The following USP32 variants were observed in gnomAD, a reference collection of about 807,000 sequenced individuals.
USP32 encodes ubiquitin carboxyl-terminal hydrolase 32.
In USP32, 59 loss-of-function variants were observed where a neutral mutation model predicts 204.8. The observed-to-expected ratio is 0.29, with a 90% CI of 0.23 to 0.36. USP32 has a LOEUF of 0.36. Ranked by LOEUF, USP32 falls within the 10% of genes least tolerant of loss-of-function variation. The pLI, the probability that USP32 is intolerant of heterozygous loss-of-function variation, is 1.00. For synonymous variants in USP32, 517 were observed against 678.4 expected (o/e 0.76, Z 3.70); for missense variants, 1,160 against 1,946.4 (o/e 0.60, Z 7.60).
intron 2 of USP32, among the ~76,000 whole-genome samples, chr17:60,310,658 C>T (rs1465006096): frequency 2.6e-5 from 4 of 151,946 alleles, no homozygotes; most frequent in African/African-American, 9.7e-5. Context: ...AAGATCGACC[C>T]ACTGCACTCC....
At chr17:60,312,813 A>G (rs1405529534) in intron 2 of USP32, among the ~76,000 whole-genome samples, 2 of 152,232 alleles carry the variant, frequency 1.3e-5, no homozygotes, top group Non-Finnish European at 2.9e-5. Flanking sequence ...AATTCACAAA[A>G]TAAGTCATGC....
At chr17:60,372,763 G>A (rs148739092) in intron 1 of USP32, among the ~76,000 whole-genome samples, 1 of 149,562 alleles carries the variant, frequency 6.7e-6, no homozygotes, top group Non-Finnish European at 1.5e-5. Context: ...AGGATAACTT[G>A]AGCCCTTGAG....
At chr17:60,243,131 T>C (rs1317444485) in intron 11 of USP32, among the ~76,000 whole-genome samples, 3 of 152,324 alleles carry the variant, frequency 2.0e-5, no homozygotes, top group East Asian at 1.9e-4. Flanking sequence ...AATGGAATTG[T>C]TGTCTTCTTT....
chr17:60,248,966 T>C (rs1360724799), intron 11 of USP32: 1 of 152,250 alleles, frequency 6.6e-6, no homozygotes, highest in African/African-American at 2.4e-5. Flanking sequence ...TGTGTTTTGT[T>C]TTGTTTTACG....
chr17:60,394,968 T>A (rs2089890545), upstream of USP32, among the ~76,000 whole-genome samples: 1 of 152,150 alleles, frequency 6.6e-6, no homozygotes, highest in Non-Finnish European at 1.5e-5. Flanking sequence ...GGTCTCGAAC[T>A]CCTGACCTGA....
chr17:60,267,017 A>C (rs2086609872), intron 7 of USP32, among the ~76,000 whole-genome samples: 1 of 151,544 alleles, frequency 6.6e-6, no homozygotes, highest in Non-Finnish European at 1.5e-5. Context: ...TCAAACTCCT[A>C]ACCTCAAGTG....
At chr17:60,376,776 C>T (rs2089552952) in intron 1 of USP32, among the ~76,000 whole-genome samples, 1 of 152,004 alleles carries the variant, frequency 6.6e-6, no homozygotes, top group Non-Finnish European at 1.5e-5. Context: ...CCCGACTCCA[C>T]CTCCCAAAGT....
At chr17:60,223,295 A>G (rs1323167752) in intron 14 of USP32, 116 bp downstream of exon 14, 2 of 814,790 alleles carry the variant, frequency 2.5e-6, no homozygotes, top group East Asian at 2.6e-5. Flanking sequence ...ATGTCCATCT[A>G]TAATACAGTA....
intron 11 of USP32, among the ~76,000 whole-genome samples, chr17:60,240,304 T>C (rs1387680457): frequency 6.6e-5 from 10 of 152,240 alleles, no homozygotes. Flanking sequence ...TAGTTGTTTG[T>C]TTAGTCACTT....
intron 11 of USP32, chr17:60,245,347 G>A: frequency 5.2e-6 from 2 of 381,308 alleles, no homozygotes; most frequent in South Asian, 2.2e-5. Context: ...CAGCTGGGCT[G>A]CTCTTTCCAC....
chr17:60,300,677 T>C (rs1488266959), intron 3 of USP32, among the ~76,000 whole-genome samples: 2 of 152,302 alleles, frequency 1.3e-5, no homozygotes, highest in South Asian at 4.1e-4. Context: ...AAAAAATAAG[T>C]TCTATTGAGA....
intron 1 of USP32, among the ~76,000 whole-genome samples, chr17:60,403,463 G>A (rs1033512438): frequency 5.3e-5 from 8 of 152,086 alleles, no homozygotes; most frequent in African/African-American, 1.7e-4. Context: ...TCTGCCCTCG[G>A]GTTACAATTC....
At chr17:60,382,586 T>C (rs1290892308) in intron 1 of USP32, among the ~76,000 whole-genome samples, 2 of 152,148 alleles carry the variant, frequency 1.3e-5, no homozygotes, top group Non-Finnish European at 2.9e-5. Context: ...AAGTTAATCA[T>C]AAAATTTAAT....
intron 29 of USP32, 165 bp from the exon 30 acceptor site, chr17:60,185,816 C>A: frequency 1.3e-6 from 1 of 772,248 alleles, no homozygotes; most frequent in East Asian, 2.8e-5. Context: ...AATCCCAGCA[C>A]TTTAGGAGGC....
chr17:60,207,273 C>T (rs1195621601), intron 24 of USP32, 141 bp from the exon 25 acceptor site: 1 of 1,356,452 alleles, frequency 7.4e-7, no homozygotes, highest in African/African-American at 1.5e-5. Flanking sequence ...TTTTCAACTA[C>T]ATAAAGGATG....
chr17:60,329,511 G>A (rs1321629018), intron 2 of USP32, among the ~76,000 whole-genome samples: 3 of 149,642 alleles, frequency 2.0e-5, no homozygotes, highest in African/African-American at 4.9e-5. Flanking sequence ...GTCTCACTAT[G>A]TTGCCCAGGC....
Position 60,205,618 on chromosome 17 carries a change from T to C in USP32, c.3078A>G (p.Leu1026=). 1 of 1,610,114 alleles carries C rather than the reference T, an allele frequency of 6.2e-7. No individual in the cohort carries two copies. The highest frequency in any genetic ancestry group is 8.5e-7 in the Non-Finnish European group (1 of 1,178,548). ...SSPSTNEMFT[L]TTNGDLPRPI... ...GTCGGGGTAGGTCCCCATTGGTAGTTAGGGTGAACATTTCATTTGTAGATG... is the reference window on the plus strand; with the variant it reads ...GTCGGGGTAGGTCCCCATTGGTAGTCAGGGTGAACATTTCATTTGTAGATG... Residue 1026 remains leucine, a synonymous_variant, in exon 26 of 34, where the codon CTA becomes CTG. Transcript: ENST00000300896.
intron 4 of USP32, among the ~76,000 whole-genome samples, chr17:60,292,095 G>C (rs1247798633): frequency 1.3e-5 from 2 of 151,862 alleles, no homozygotes; most frequent in East Asian, 3.9e-4. Flanking sequence ...AGACCTTCCA[G>C]GGTATTTGAC....
chr17:60,286,840 CCTT>C (rs1407416725), intron 5 of USP32, among the ~76,000 whole-genome samples: 2 of 152,182 alleles, frequency 1.3e-5, no homozygotes, highest in Non-Finnish European at 2.9e-5. Flanking sequence ...TGCTCACCAT[CCTT>C]CTTTGTTCTA....
Sources: gnomAD v4.1 joint callset for allele counts (sites outside exome capture counted in the v4.1 genomes callset) on GRCh38, gnomAD v4.1.1 for gene constraint, MANE v1.5 for transcripts, NCBI Gene and HGNC (gene_info 2026-07-23, HGNC 2026-07-21) for gene names.